The following CDH18 variants were observed in gnomAD, a reference collection of about 807,000 sequenced individuals.
The protein encoded by CDH18 is cadherin-18.
CDH18 carries 31 observed loss-of-function variants against 67.9 expected under a neutral mutation model. The observed-to-expected ratio is 0.46, with a 90% CI of 0.34 to 0.62. CDH18 has a LOEUF of 0.62. Ranked by LOEUF, CDH18 falls within the 20% of genes least tolerant of loss-of-function variation. The probability of loss-of-function intolerance (pLI) is 0.01; values close to 1 mark genes in which losing one functional copy is unlikely to be tolerated. For synonymous variants in CDH18, 362 were observed against 347.2 expected (o/e 1.04, Z -0.48); for missense variants, 890 against 975.5 (o/e 0.91, Z 1.17).
intron 1 of CDH18, among the ~76,000 whole-genome samples, chr5:20,386,528 C>A (rs542696197): frequency 6.6e-6 from 1 of 152,088 alleles, no homozygotes; most frequent in African/African-American, 2.4e-5. Flanking sequence ...AATAACATTA[C>A]TAATATATCC....
intron 3 of CDH18, among the ~76,000 whole-genome samples, chr5:19,748,133 A>AAAAAAAAAAAAAAAAAAAAAAT (rs1770354649): frequency 2.8e-5 from 4 of 142,902 alleles, no homozygotes; most frequent in Admixed American, 7.0e-5. Flanking sequence ...AAAAAAAAAA[A>AAAAAAAAAAAAAAAAAAAAAAT]GAGTACTTTT....
chr5:20,350,839 G>T (rs1048335200), intron 1 of CDH18, among the ~76,000 whole-genome samples: 8 of 152,068 alleles, frequency 5.3e-5, no homozygotes, highest in African/African-American at 1.9e-4. Context: ...GAGTCTTTTG[G>T]AATATTATTC....
rs549081254 is a variant in CDH18 at position 20,564,248 on chromosome 5, T to C, written c.-580+11214A>G. Reference sequence around the variant, plus strand: ...AATCTTCCCACAATTATTTCTTGCATTATTATCACAGTTTTATTTATTTAT... The same window carrying C: ...AATCTTCCCACAATTATTTCTTGCACTATTATCACAGTTTTATTTATTTAT... On this transcript the variant is annotated intron_variant, in intron 1 of 14. Coordinates refer to the CDH18 transcript ENST00000507958. Among the ~76,000 whole-genome samples the C allele has an allele frequency of 1.3e-3, 154 of 115,120 alleles. 1 individual carries two copies. The highest frequency in any genetic ancestry group is 4.3e-3 in the African/African-American group (146 of 34,160). The allele number at this position is 115,120 out of a possible 152,430, so 75.5% of individuals were successfully genotyped here.
chr5:20,344,970 C>T (rs184461648), intron 1 of CDH18, among the ~76,000 whole-genome samples: 35 of 152,254 alleles, frequency 2.3e-4, no homozygotes, highest in African/African-American at 8.4e-4. Flanking sequence ...CTGCCCTTGC[C>T]AGCAATTAAT....
chr5:20,056,627 C>G (rs1741996378), intron 2 of CDH18, among the ~76,000 whole-genome samples: 1 of 148,264 alleles, frequency 6.7e-6, no homozygotes, highest in African/African-American at 2.5e-5. Flanking sequence ...ATTTTCTACC[C>G]ACAGTTGCTG....
At chr5:19,556,662 C>T (rs1236300913) in intron 8 of CDH18, among the ~76,000 whole-genome samples, 3 of 152,070 alleles carry the variant, frequency 2.0e-5, no homozygotes, top group African/African-American at 7.2e-5. Flanking sequence ...ATTGGTGCTC[C>T]CAAGGAAGAA....
At chr5:19,988,845 C>T (rs1283392935), upstream of CDH18, among the ~76,000 whole-genome samples, 2 of 152,068 alleles carry the variant, frequency 1.3e-5, no homozygotes, top group African/African-American at 2.4e-5. Flanking sequence ...CGCCTTCACC[C>T]AAAGTACTCA....
rs1489399653 is a variant in CDH18, at chr5:19,483,389, C to T, written c.1794G>A (p.Arg598=). 3 of 1,613,994 alleles carry T rather than the reference C, an allele frequency of 1.9e-6. No individual in the cohort carries two copies. Among genetic ancestry groups the T allele is most frequent in the Non-Finnish European group, 2.5e-6 (3 of 1,180,032 alleles). The change falls in exon 12 of 13, where the codon CGG becomes CGA. Residue 598 remains arginine (R), a synonymous_variant. Coordinates refer to ENST00000382275, the MANE Select transcript of CDH18 (RefSeq NM_004934.5). The part of the protein sequence containing the change: ...VCACERDGRV[R]TCHAEAFLSS... ...ACAGGAAGGCTTCTGCATGGCAGGTCCGCACACGCCCATCTCTCTCGCATG... is the reference window on the plus strand; with the variant it reads ...ACAGGAAGGCTTCTGCATGGCAGGTTCGCACACGCCCATCTCTCTCGCATG...
chr5:20,397,374 C>G (rs1349250552), intron 1 of CDH18, among the ~76,000 whole-genome samples: 2 of 152,064 alleles, frequency 1.3e-5, no homozygotes, highest in Non-Finnish European at 2.9e-5. Context: ...TCAAGTGATC[C>G]ACTCCCCTTT....
chr5:20,517,993 A>G lies in CDH18; in HGVS notation c.-580+57469T>C, dbSNP rs116700727. 6.8e-3 allele frequency among the ~76,000 whole-genome samples: 1,037 copies of G among 152,206 alleles called. 12 individuals carry two copies. Among genetic ancestry groups the G allele is most frequent in the African/African-American group, 0.022 (903 of 41,548 alleles). On this transcript the variant is annotated intron_variant, in intron 1 of 14. Transcript: ENST00000507958. ...TCACAAAAGATATTCACATTCTATT[A>G]CACTCTTCCAGGAACCTTTATTTTT...
chr5:19,966,605 A>G (rs1441739813), intron 2 of CDH18, among the ~76,000 whole-genome samples: 1 of 152,020 alleles, frequency 6.6e-6, no homozygotes, highest in Non-Finnish European at 1.5e-5. Flanking sequence ...AAAAACAATT[A>G]TTTTTCTTAA....
intron 1 of CDH18, among the ~76,000 whole-genome samples, chr5:20,398,563 C>T (rs985583892): frequency 1.3e-5 from 2 of 152,108 alleles, no homozygotes; most frequent in African/African-American, 4.8e-5. Flanking sequence ...ATGAAACGTC[C>T]TAATGCGGGG....
At chr5:20,160,653 A>G (rs1365877462) in intron 2 of CDH18, among the ~76,000 whole-genome samples, 2 of 152,234 alleles carry the variant, frequency 1.3e-5, no homozygotes, top group African/African-American at 4.8e-5. Context: ...TGATAGAAAT[A>G]GAAAGAAGGC....
chr5:20,063,374 T>A (rs902762393), intron 2 of CDH18, among the ~76,000 whole-genome samples: 3 of 152,212 alleles, frequency 2.0e-5, no homozygotes, highest in South Asian at 4.1e-4. Flanking sequence ...AAACTCTGCA[T>A]TTCAAGAATT....
intron 6 of CDH18, among the ~76,000 whole-genome samples, chr5:19,601,005 A>G (rs960486665): frequency 1.3e-5 from 2 of 152,188 alleles, no homozygotes; most frequent in Admixed American, 1.3e-4. Context: ...AACTAGGTGA[A>G]ATAAACTTAT....
intron 1 of CDH18, among the ~76,000 whole-genome samples, chr5:20,357,734 G>A (rs1166904974): frequency 6.6e-6 from 1 of 152,154 alleles, no homozygotes. Context: ...TCCAGCCACT[G>A]TGGAGAGCAA....
chr5:20,529,752 G>A (rs774682360), intron 1 of CDH18, among the ~76,000 whole-genome samples: 3 of 151,944 alleles, frequency 2.0e-5, no homozygotes, highest in Non-Finnish European at 2.9e-5. Context: ...AATAATAAGA[G>A]TCATATATGA....
At chr5:20,358,068 T>G (rs976563008) in intron 1 of CDH18, among the ~76,000 whole-genome samples, 5 of 152,136 alleles carry the variant, frequency 3.3e-5, no homozygotes, top group Non-Finnish European at 7.4e-5. Context: ...ACACCATATA[T>G]TCTCACATAT....
intron 2 of CDH18, among the ~76,000 whole-genome samples, chr5:20,058,508 T>A (rs573735156): frequency 5.9e-5 from 9 of 152,158 alleles, no homozygotes; most frequent in Non-Finnish European, 1.3e-4. Context: ...TTACTTGATA[T>A]AATTTTGAAC....
Sources: gnomAD v4.1 joint callset for allele counts (sites outside exome capture counted in the v4.1 genomes callset) on GRCh38, gnomAD v4.1.1 for gene constraint, MANE v1.5 for transcripts, NCBI Gene and HGNC (gene_info 2026-07-23, HGNC 2026-07-21) for gene names.